The following MINDY3 variants were observed in gnomAD, a reference collection of about 807,000 sequenced individuals.
MINDY3 encodes the protein MINDY lysine 48 deubiquitinase 3.
MINDY3 carries 38 observed loss-of-function variants against 69.2 expected under a neutral mutation model. The observed-to-expected ratio is 0.55, with a 90% confidence interval of 0.42 to 0.72. The LOEUF (loss-of-function observed/expected upper bound fraction) is 0.72, where lower values mean the gene tolerates loss of function less well. Among genes scored for constraint, MINDY3 ranks in the 30% least tolerant of loss-of-function variants. The pLI is 0.00. For missense variants in MINDY3, 522 were observed against 519.0 expected (o/e 1.01, Z -0.06); for synonymous variants, 192 against 180.1 (o/e 1.07, Z -0.53).
chr10:15,811,739 CAT>C (rs1839016010), intron 10 of MINDY3, among the ~76,000 whole-genome samples: 4 of 152,112 alleles, frequency 2.6e-5, no homozygotes, highest in Non-Finnish European at 4.4e-5. Context: ...AAAAAAATAA[CAT>C]ATGTGCACTT....
intron 9 of MINDY3, among the ~76,000 whole-genome samples, chr10:15,819,113 C>T (rs985239701): frequency 6.6e-6 from 1 of 152,016 alleles, no homozygotes; most frequent in Non-Finnish European, 1.5e-5. Flanking sequence ...TATTTCATCA[C>T]CTTAATTGTA....
intron 4 of MINDY3, among the ~76,000 whole-genome samples, chr10:15,840,623 A>ATGC (rs1285698876): frequency 6.6e-6 from 1 of 151,634 alleles, no homozygotes; most frequent in African/African-American, 2.4e-5. Flanking sequence ...AGTTAATGTG[A>ATGC]TGCTCTGTGG....
intron 4 of MINDY3, 95 bp from the exon 5 acceptor site, chr10:15,838,374 T>A: frequency 9.6e-7 from 1 of 1,041,500 alleles, no homozygotes; most frequent in Non-Finnish European, 1.3e-6. Flanking sequence ...CAATCAAAAC[T>A]TTCCCTATTT....
intron 13 of MINDY3, 126 bp from the exon 14 acceptor site, chr10:15,782,352 G>A: frequency 3.0e-6 from 2 of 667,568 alleles, no homozygotes; most frequent in Admixed American, 6.8e-5. Flanking sequence ...TTTGACAAAA[G>A]AAGGAACTTA....
chr10:15,836,591 G>A (rs897451659), intron 6 of MINDY3, among the ~76,000 whole-genome samples: 3 of 151,828 alleles, frequency 2.0e-5, no homozygotes, highest in African/African-American at 7.3e-5. Flanking sequence ...CTAGAGCTAT[G>A]AGACTGGTAT....
chr10:15,784,570 C>G (rs1397431218), intron 13 of MINDY3, among the ~76,000 whole-genome samples: 1 of 152,112 alleles, frequency 6.6e-6, no homozygotes, highest in Non-Finnish European at 1.5e-5. Flanking sequence ...CAAGGTGAAA[C>G]CCCATCTCTA....
At chr10:15,845,898 C>T (rs1299909096) in intron 2 of MINDY3, among the ~76,000 whole-genome samples, 3 of 143,928 alleles carry the variant, frequency 2.1e-5, no homozygotes, top group Non-Finnish European at 4.5e-5. Flanking sequence ...TCTCGGCTCA[C>T]TGCAACCTCC....
intron 1 of MINDY3, among the ~76,000 whole-genome samples, chr10:15,848,351 T>C (rs887673780): frequency 6.6e-6 from 1 of 151,924 alleles, no homozygotes; most frequent in Admixed American, 6.6e-5. Context: ...TTACATGGCA[T>C]TGGCCGGGCA....
chr10:15,834,172 G>A (rs1037367739), intron 7 of MINDY3, among the ~76,000 whole-genome samples: 4 of 151,830 alleles, frequency 2.6e-5, no homozygotes, highest in Non-Finnish European at 5.9e-5. Context: ...AGCTTGAGGA[G>A]GGTGGTCCGA....
At chr10:15,843,017 T>G (rs1370476899) in intron 3 of MINDY3, among the ~76,000 whole-genome samples, 195 bp downstream of exon 3, 1 of 151,186 alleles carries the variant, frequency 6.6e-6, no homozygotes, top group Non-Finnish European at 1.5e-5. Context: ...AGTTATACCA[T>G]CATGTCTTAT....
intron 10 of MINDY3, among the ~76,000 whole-genome samples, chr10:15,816,260 C>CAA (rs1164005904): frequency 4.5e-4 from 12 of 26,704 alleles, no homozygotes; most frequent in East Asian, 8.0e-4. Flanking sequence ...GACTCCATCT[C>CAA]AAAAAAAAAA....
chr10:15,811,903 T>C (rs1169249836), intron 10 of MINDY3, among the ~76,000 whole-genome samples: 1 of 152,136 alleles, frequency 6.6e-6, no homozygotes, highest in Non-Finnish European at 1.5e-5. Context: ...CCATGTACAT[T>C]TGCAATAATG....
intron 5 of MINDY3, chr10:15,837,929 T>C (rs983893291): frequency 5.3e-6 from 5 of 938,416 alleles, no homozygotes; most frequent in Non-Finnish European, 6.4e-6. Flanking sequence ...GAAATCTTCA[T>C]ATTTGTTTAG....
At chr10:15,806,026 G>T (rs1267344842) in intron 10 of MINDY3, among the ~76,000 whole-genome samples, 1 of 152,108 alleles carries the variant, frequency 6.6e-6, no homozygotes, top group Non-Finnish European at 1.5e-5. Context: ...TCTGAACAAT[G>T]TCAGTAGTCA....
intron 11 of MINDY3, among the ~76,000 whole-genome samples, chr10:15,795,200 C>A (rs1234189089): frequency 6.6e-6 from 1 of 151,990 alleles, no homozygotes; most frequent in African/African-American, 2.4e-5. Flanking sequence ...ATTCATAACG[C>A]CTCTAAGAAC....
chr10:15,837,366 A>T (rs1833160520), intron 5 of MINDY3, 48 bp from the exon 6 acceptor site: 7 of 1,385,966 alleles, frequency 5.1e-6, no homozygotes, highest in Non-Finnish European at 7.0e-6. Flanking sequence ...GAGATTAACT[A>T]CATTCATAAA....
At chr10:15,830,221 A>C (rs759708324) in intron 8 of MINDY3, among the ~76,000 whole-genome samples, 5 of 152,180 alleles carry the variant, frequency 3.3e-5, no homozygotes, top group Non-Finnish European at 5.9e-5. Context: ...TCTCCCAGTT[A>C]ATTGTGATGT....
chr10:15,824,871 T>C lies in MINDY3; in HGVS notation c.731-3145A>G, dbSNP rs1002689366. ...ATCAGTAAACACATGCTTAGACATC[T>C]AGTCTGGATGGTAATTATTTTAAAA... is the stretch of plus-strand genomic sequence containing the variant. On this transcript the variant is annotated intron_variant, in intron 8 of 14. Transcript: ENST00000277632. 4.6e-5 allele frequency among the ~76,000 whole-genome samples: 7 copies of C among 152,328 alleles called. No homozygotes were observed. The East Asian group carries it at 1.3e-3, about 29-fold the overall frequency.
intron 8 of MINDY3, among the ~76,000 whole-genome samples, chr10:15,829,850 T>G (rs1046024232): frequency 2.0e-5 from 3 of 152,174 alleles, no homozygotes; most frequent in Non-Finnish European, 4.4e-5. Flanking sequence ...TTAACCTCAA[T>G]GCACAGGTAA....
Sources: gnomAD v4.1 joint callset for allele counts (sites outside exome capture counted in the v4.1 genomes callset) on GRCh38, gnomAD v4.1.1 for gene constraint, MANE v1.5 for transcripts, NCBI Gene and HGNC (gene_info 2026-07-23, HGNC 2026-07-21) for gene names.